Variants in TSC2 observed in about 807,000 individuals in gnomAD.
The protein encoded by TSC2 is tuberin.
Under a neutral mutation model 202.2 loss-of-function variants are expected in TSC2, and 29 were observed. The observed-to-expected ratio is 0.14, with a 90% CI of 0.11 to 0.20. The LOEUF (loss-of-function observed/expected upper bound fraction) is 0.20, where lower values mean the gene tolerates loss of function less well. Ranked by LOEUF, TSC2 falls within the 10% of genes least tolerant of loss-of-function variation. TSC2 has a pLI of 1.00. For missense variants in TSC2, 2,429 were observed against 2,420.0 expected (o/e 1.00, Z -0.08); for synonymous variants, 1,349 against 1,044.0 (o/e 1.29, Z -5.63).
intron 7 of TSC2, 31 bp downstream of exon 7, chr16:2,056,275 A>G (rs1018346033): frequency 2.5e-6 from 4 of 1,613,522 alleles, no homozygotes; most frequent in Admixed American, 1.7e-5. Flanking sequence ...GGGCCGGCCC[A>G]TTTCACCCTG....
chr16:2,064,625 C>G (rs1480069073), intron 15 of TSC2, 198 bp downstream of exon 15: 10 of 812,326 alleles, frequency 1.2e-5, no homozygotes, highest in Non-Finnish European at 1.9e-5. Flanking sequence ...ACTGAAAGTC[C>G]TGGACATGGG....
chr16:2,061,503 C>T, intron 11 of TSC2: 1 of 380,966 alleles, frequency 2.6e-6, no homozygotes, highest in Non-Finnish European at 5.1e-6. Flanking sequence ...GTAGTTGTGG[C>T]TACTCTTGGC....
At chr16:2,081,208 G>T in intron 30 of TSC2, 1 of 352,760 alleles carries the variant, frequency 2.8e-6, no homozygotes, top group Non-Finnish European at 5.5e-6. Context: ...GGGGCAGAGG[G>T]AGCCCCCGCA....
At chr16:2,074,714 T>G in intron 22 of TSC2, 2 of 426,482 alleles carry the variant, frequency 4.7e-6, no homozygotes, top group East Asian at 4.8e-5. Context: ...CTTTGTTCGC[T>G]TCCCCCAGAC....
chr16:2,063,389 C>G lies in TSC2; in HGVS notation c.1443+336C>G, dbSNP rs772069868. The G allele has an allele frequency of 8.5e-6, 4 of 468,124 alleles. No homozygotes were observed. In the East Asian group the frequency reaches 1.6e-4, roughly 19 times the overall value. 29.0% of individuals were successfully genotyped at this position (468,124 alleles called of 1,614,324 possible). On this transcript the variant is annotated intron_variant, in intron 14 of 41. Transcript: ENST00000219476. ...AGTCTTGCATGGGGACATTGTCTTC[C>G]GTTTCAGTCCTGACGTTCACCCTGT...
intron 12 of TSC2, 118 bp downstream of exon 12, chr16:2,062,126 C>T (rs1227604998): frequency 8.2e-6 from 12 of 1,460,362 alleles, no homozygotes; most frequent in Non-Finnish European, 1.1e-5. Flanking sequence ...CGCCTGCTTT[C>T]CAGGTTTCTG....
In TSC2 at chr16:2,079,900, G is replaced by A. The variant is rs541603964; in HGVS notation, c.3397+231G>A. On this transcript the variant is annotated intron_variant, in intron 29 of 41. Transcript: ENST00000219476. This position sits in a 1 kb window ranked among gnomAD's most constrained non-coding sequence, Gnocchi z 4.6. ...TGCTCTGGGTGCTGGTGTTTCCTGC[G>A]GGTTTTCAGCTCGGCTCAGTCCTGG... Among the ~76,000 whole-genome samples, 188 of 152,324 alleles carry A rather than the reference G, an allele frequency of 1.2e-3. No homozygotes were observed. Among genetic ancestry groups the A allele is most frequent in the African/African-American group, 4.2e-3 (173 of 41,584 alleles).
chr16:2,087,145 C>T (rs971051721), intron 38 of TSC2: 3 of 529,942 alleles, frequency 5.7e-6, no homozygotes, highest in East Asian at 3.4e-5. Flanking sequence ...TTGGTGCTTC[C>T]TGTCTGTCCG....
At chr16:2,073,734 A>G (rs1464247157) in intron 21 of TSC2, among the ~76,000 whole-genome samples, 1 of 152,212 alleles carries the variant, frequency 6.6e-6, no homozygotes, top group Non-Finnish European at 1.5e-5. Context: ...ACTGGCCCAC[A>G]GTGTATCCGA....
Position 2,077,702 on chromosome 16 carries a change from G to T in TSC2, c.2942G>T (p.Ser981Ile). 1 of 1,613,010 alleles carries T rather than the reference G, an allele frequency of 6.2e-7. No individual in the cohort carries two copies. The highest frequency in any genetic ancestry group is 8.5e-7 in the Non-Finnish European group (1 of 1,180,024). ...AAEAFRCRSI[S>I]VSEHVVRSRI... ...GAGGCCTTCCGGTGCCGCAGCATCA[G>T]TGTGTCTGAACATGTGGTCCGCAGG... The change falls in exon 26 of 42, where the codon AGT becomes ATT. Residue 981 changes from serine (S) to isoleucine (I), a missense_variant. Ser to Ile is a moderately radical substitution (Grantham distance 142). Transcript: ENST00000219476.
At chr16:2,082,151 C>T (rs2090221362) in intron 31 of TSC2, 2 of 592,816 alleles carry the variant, frequency 3.4e-6, no homozygotes, top group South Asian at 4.0e-5. Context: ...GCACTCTGGG[C>T]CCCCACCCCA....
At position 2,084,487 on chromosome 16, in the gene TSC2, C is replaced by A. The variant is rs760230300; in HGVS notation, c.4265C>A (p.Thr1422Asn). 6.2e-7 allele frequency: 1 copy of A among 1,609,212 alleles called. No individual in the cohort carries two copies. Among genetic ancestry groups the A allele is most frequent in the Non-Finnish European group, 8.5e-7 (1 of 1,178,636 alleles). Residue 1422 changes from threonine (T) to asparagine (N), a missense_variant, in exon 34 of 42, where the codon ACC (threonine) becomes AAC (asparagine). Physicochemically the swap from Thr to Asn is moderately conservative, Grantham distance 65 (BLOSUM62 0). Transcript: ENST00000219476. ...PEVKARSQSG[T>N]LDGESAAWSA... Reference sequence around the variant, plus strand: ...GTTAAGGCCCGGTCACAGTCAGGGACCCTGGACGGGGAAAGTGCTGCCTGG... The same window carrying A: ...GTTAAGGCCCGGTCACAGTCAGGGAACCTGGACGGGGAAAGTGCTGCCTGG...
chr16:2,073,046 G>T, intron 21 of TSC2, 63 bp downstream of exon 21: 1 of 1,610,112 alleles, frequency 6.2e-7, no homozygotes, highest in East Asian at 2.2e-5. Flanking sequence ...CCTGGCCCAG[G>T]TAGGCCCCAC....
rs756600331 is a variant in TSC2 at position 2,056,173 on chromosome 16, A to G, written c.600-23A>G. 3 of 1,613,568 alleles carry G rather than the reference A, an allele frequency of 1.9e-6. No individual in the cohort carries two copies. The Admixed American group carries it at 5.0e-5, about 27-fold the overall frequency. ...CGGCCATCCAGGCAGTGCTGCCGGGACTGAGCTCGGTGCTCCCTGCAGGAT... is the reference window on the plus strand; with the variant it reads ...CGGCCATCCAGGCAGTGCTGCCGGGGCTGAGCTCGGTGCTCCCTGCAGGAT... On this transcript the variant is annotated intron_variant, in intron 6 of 41. Transcript: ENST00000219476.
chr16:2,083,635 A>G (rs184611539), intron 32 of TSC2, 60 bp from the exon 33 acceptor site: 984 of 1,550,792 alleles, frequency 6.3e-4, no homozygotes, highest in Non-Finnish European at 7.9e-4. Flanking sequence ...CTCGGAGGCC[A>G]CGTCAGGGCC....
At chr16:2,081,448 C>T (rs1596398649) in intron 30 of TSC2, 147 bp from the exon 31 acceptor site, 1 of 1,061,542 alleles carries the variant, frequency 9.4e-7, no homozygotes, top group South Asian at 1.3e-5. Flanking sequence ...GCCGTCAGAG[C>T]AGCGCTGGCT....
At chr16:2,051,870 G>A (rs567303517) in intron 3 of TSC2, among the ~76,000 whole-genome samples, 6 of 152,286 alleles carry the variant, frequency 3.9e-5, no homozygotes, top group Non-Finnish European at 7.4e-5. Context: ...TTCGAGACCC[G>A]CCTGGCCAAT....
At chr16:2,066,524 C>G (rs900294885) in intron 16 of TSC2, 2 of 152,134 alleles carry the variant, frequency 1.3e-5, no homozygotes, top group African/African-American at 2.4e-5. Context: ...GGGTCTGCAC[C>G]TAGGAGTGAA....
chr16:2,075,084 C>T (rs1034970694), intron 22 of TSC2: 1 of 157,370 alleles, frequency 6.4e-6, no homozygotes, highest in Admixed American at 6.0e-5. Flanking sequence ...GGTGTGGTGG[C>T]GGGTGCCTGT....
Sources: allele counts gnomAD v4.1 joint callset (sites outside exome capture counted in the v4.1 genomes callset), GRCh38; gene constraint gnomAD v4.1.1; non-coding constraint Gnocchi (gnomAD v3.1); transcripts MANE v1.5; gene names NCBI Gene and HGNC (gene_info 2026-07-23, HGNC 2026-07-21).